AP1AR: variants seen among roughly 807,000 people sequenced by gnomAD.
AP1AR encodes the protein AP-1 complex-associated regulatory protein.
In AP1AR, 29 loss-of-function variants were observed where a neutral mutation model predicts 46.3. The ratio of observed to expected loss-of-function variants is 0.63; its 90% CI spans 0.47 to 0.85. AP1AR has a LOEUF of 0.85. Ranked by LOEUF, AP1AR falls within the 40% of genes least tolerant of loss-of-function variation. AP1AR has a pLI of 0.00. For synonymous variants in AP1AR, 122 were observed against 122.9 expected, an observed-to-expected ratio of 0.99 and a Z score of 0.05; for missense variants, 357 against 356.3, an observed-to-expected ratio of 1.00 and a Z score of -0.02.
intron 9 of AP1AR, among the ~76,000 whole-genome samples, chr4:112,267,264 T>C (rs1365365149): frequency 1.3e-5 from 2 of 151,944 alleles, no homozygotes; most frequent in Non-Finnish European, 2.9e-5. Flanking sequence ...ATTAAATGTG[T>C]CTGGGAATAT....
chr4:112,258,810 T>C (rs1726314505), intron 4 of AP1AR, among the ~76,000 whole-genome samples: 1 of 152,226 alleles, frequency 6.6e-6, no homozygotes, highest in Non-Finnish European at 1.5e-5. Flanking sequence ...CTATATTTCA[T>C]TTTATTTAAG....
At chr4:112,254,661 T>G in intron 2 of AP1AR, 86 bp from the exon 3 acceptor site, 1 of 788,150 alleles carries the variant, frequency 1.3e-6, no homozygotes, top group Non-Finnish European at 2.0e-6. Context: ...TATATTATTT[T>G]TAAGTGAAAA....
chr4:112,232,129 T>A lies in AP1AR; in HGVS notation c.38T>A (p.Leu13His). ...TGCTGGACGCAGTGCTTCGGACTGCTTCGCAAGGAAGCGGGGCGGCTGCAG... is the reference window on the plus strand; with the variant it reads ...TGCTGGACGCAGTGCTTCGGACTGCATCGCAAGGAAGCGGGGCGGCTGCAG... ...NCCWTQCFGL[L>H]RKEAGRLQRV... The change falls in exon 1 of 10, where the codon CTT becomes CAT. Residue 13 changes from leucine to histidine, a missense_variant. Physicochemically the swap from Leu to His is moderately conservative, Grantham distance 99. Coordinates refer to ENST00000274000, the MANE Select transcript of AP1AR (RefSeq NM_018569.6). 1 of 1,284,820 alleles carries A rather than the reference T, an allele frequency of 7.8e-7. No homozygotes were observed. Among genetic ancestry groups the A allele is most frequent in the African/African-American group, 1.5e-5 (1 of 64,930 alleles). The allele number at this position is 1,284,820 out of a possible 1,614,324, so 79.6% of individuals were successfully genotyped here.
intron 1 of AP1AR, among the ~76,000 whole-genome samples, chr4:112,237,280 T>C (rs934914251): frequency 2.0e-5 from 3 of 152,032 alleles, no homozygotes; most frequent in Non-Finnish European, 4.4e-5. Flanking sequence ...CTAATTTTTG[T>C]ATTTTTTAGT....
At chr4:112,256,878 A>G (rs1312823158) in intron 3 of AP1AR, among the ~76,000 whole-genome samples, 1 of 152,218 alleles carries the variant, frequency 6.6e-6, no homozygotes, top group African/African-American at 2.4e-5. Flanking sequence ...CAGGGGAAAT[A>G]CAAGGTTAGG....
intron 4 of AP1AR, 53 bp downstream of exon 4, chr4:112,257,850 A>G: frequency 6.9e-7 from 1 of 1,454,858 alleles, no homozygotes; most frequent in Non-Finnish European, 9.2e-7. Flanking sequence ...CTGTAAGAAA[A>G]CTCTCTTAAG....
Position 112,258,762 on chromosome 4 carries a change from A to C in AP1AR, c.185+965A>C, listed in dbSNP as rs534015287. On this transcript the variant is annotated intron_variant, in intron 4 of 9. Transcript: ENST00000274000. Reference sequence around the variant, plus strand: ...CAGTGGAAGTTACATGAGTGTATACAATTATCAAAACAACTTTATGAACTG... The same window carrying C: ...CAGTGGAAGTTACATGAGTGTATACCATTATCAAAACAACTTTATGAACTG... Among the ~76,000 whole-genome samples, 144 of 152,320 alleles carry C rather than the reference A, an allele frequency of 9.5e-4. 1 individual carries two copies. In the South Asian group the frequency reaches 9.7e-3, roughly 10 times the overall value.
At chr4:112,241,517 T>G (rs1286820104) in intron 1 of AP1AR, among the ~76,000 whole-genome samples, 1 of 152,204 alleles carries the variant, frequency 6.6e-6, no homozygotes, top group Non-Finnish European at 1.5e-5. Context: ...TTCCTTCAGC[T>G]TTTTTGTTCT....
chr4:112,231,885 T>A lies in AP1AR; in HGVS notation c.-207T>A. 2.4e-6 allele frequency: 1 copy of A among 408,658 alleles called. No individual in the cohort carries two copies. Among genetic ancestry groups the A allele is most frequent in the Non-Finnish European group, 4.3e-6 (1 of 235,034 alleles). 25.3% of individuals were successfully genotyped at this position (408,658 alleles called of 1,614,324 possible). A position where few individuals can be genotyped will look rare whatever the true frequency, so the allele number is the denominator to read the frequency against. Reference sequence around the variant, plus strand: ...TGCTCCTCCCTCGCGCAGCGGTGGCTCTGCGGCCGCTGGAGTAAACACTGC... The same window carrying A: ...TGCTCCTCCCTCGCGCAGCGGTGGCACTGCGGCCGCTGGAGTAAACACTGC... On this transcript the variant is annotated 5_prime_UTR_variant, in exon 1 of 10. Transcript: ENST00000274000.
intron 8 of AP1AR, 109 bp from the exon 9 acceptor site, chr4:112,266,479 A>G: frequency 5.6e-6 from 6 of 1,070,432 alleles, no homozygotes; most frequent in Non-Finnish European, 7.9e-6. Context: ...TTATGAAGCT[A>G]AAAGTAATAA....
intron 1 of AP1AR, among the ~76,000 whole-genome samples, chr4:112,236,368 G>A (rs1725240295): frequency 6.7e-6 from 1 of 148,928 alleles, no homozygotes; most frequent in African/African-American, 2.5e-5. Context: ...ACTTCCATCT[G>A]CTCCCTGATT....
In AP1AR at chr4:112,271,921, G is replaced by A. The variant is rs531164380; in HGVS notation, c.*3512G>A. The stretch of plus-strand genomic sequence containing the variant: ...CACTAAGTGTTGACATTTAGAAGTT[G>A]GGGGTAGTGAAACAGTCGTCAAAAG... On this transcript the variant is annotated 3_prime_UTR_variant, in exon 10 of 10. Transcript: ENST00000274000. 6.6e-6 allele frequency among the ~76,000 whole-genome samples: 1 copy of A among 152,294 alleles called. No individual in the cohort carries two copies. The highest frequency in any genetic ancestry group is 2.1e-4 in the South Asian group (1 of 4,826).
At chr4:112,232,225 C>T (rs753706012) in intron 1 of AP1AR, 51 bp downstream of exon 1, 36 of 1,252,920 alleles carry the variant, frequency 2.9e-5, no homozygotes, top group Non-Finnish European at 3.5e-5. Flanking sequence ...CCTCTTCGGC[C>T]CCCGGCGGGG....
At chr4:112,249,255 C>T (rs1193191547) in intron 1 of AP1AR, among the ~76,000 whole-genome samples, 1 of 151,764 alleles carries the variant, frequency 6.6e-6, no homozygotes, top group Non-Finnish European at 1.5e-5. Flanking sequence ...CGTGCCATTG[C>T]ACTCCAGCCT....
chr4:112,265,819 A>T lies in AP1AR; in HGVS notation c.514+12A>T, dbSNP rs1379563050. 2 of 1,572,432 alleles carry T rather than the reference A, an allele frequency of 1.3e-6. No individual in the cohort carries two copies. The highest frequency in any genetic ancestry group is 1.7e-6 in the Non-Finnish European group (2 of 1,145,878). On this transcript the variant is annotated intron_variant, in intron 8 of 9. Coordinates refer to ENST00000274000, the MANE Select transcript of AP1AR (RefSeq NM_018569.6). ...TTTTCGAAGTAGTAGTAAGTTTTTT[A>T]AAGTATTTTCTGTACTTTTTATGCC...
intron 2 of AP1AR, among the ~76,000 whole-genome samples, chr4:112,254,259 G>A (rs1375828652): frequency 6.6e-6 from 1 of 152,214 alleles, no homozygotes; most frequent in Non-Finnish European, 1.5e-5. Flanking sequence ...TTTGGGGATA[G>A]TAACTACCAC....
chr4:112,253,083 A>C (rs1320918241), intron 1 of AP1AR, 125 bp from the exon 2 acceptor site: 1 of 617,174 alleles, frequency 1.6e-6, no homozygotes, highest in Non-Finnish European at 2.5e-6. Flanking sequence ...TTCTTTTTTT[A>C]TAAATATAAC....
intron 1 of AP1AR, among the ~76,000 whole-genome samples, chr4:112,251,232 G>C (rs1322012082): frequency 1.3e-5 from 2 of 152,214 alleles, no homozygotes; most frequent in Admixed American, 1.3e-4. Flanking sequence ...TTCTAGCTTA[G>C]TCAGATACTC....
chr4:112,252,077 C>A (rs141993827), intron 1 of AP1AR, among the ~76,000 whole-genome samples: 2,972 of 151,990 alleles, frequency 0.02, 55 homozygotes, highest in Non-Finnish European at 0.028. Context: ...CTCGTCTCTA[C>A]AAAAAAATAA....
Sources: gnomAD v4.1 joint callset for allele counts (sites outside exome capture counted in the v4.1 genomes callset) on GRCh38, gnomAD v4.1.1 for gene constraint, MANE v1.5 for transcripts, NCBI Gene and HGNC (gene_info 2026-07-23, HGNC 2026-07-21) for gene names.